KANK2: variants seen among roughly 807,000 people sequenced by gnomAD.
KANK2 encodes the protein KN motif and ankyrin repeat domain-containing protein 2.
KANK2 carries 41 observed loss-of-function variants against 74.6 expected under a neutral mutation model. The ratio of observed to expected loss-of-function variants is 0.55; its 90% CI spans 0.43 to 0.71. The LOEUF (loss-of-function observed/expected upper bound fraction) is 0.71, where lower values mean the gene tolerates loss of function less well. KANK2 is among the 30% of genes least tolerant of loss of function. The pLI is 0.00. For synonymous variants in KANK2, 537 were observed against 519.0 expected (o/e 1.03, Z -0.47); for missense variants, 1,148 against 1,196.4 (o/e 0.96, Z 0.60).
intron 7 of KANK2, 99 bp downstream of exon 7, chr19:11,176,479 T>C (rs1445747280): frequency 6.7e-6 from 9 of 1,348,314 alleles, no homozygotes; most frequent in East Asian, 2.4e-5. Flanking sequence ...TGTGCATGAC[T>C]GATAGGAGGG....
At chr19:11,192,784 C>G (rs1268580823) in intron 4 of KANK2, 47 bp downstream of exon 4, 106 of 214,158 alleles carry the variant, frequency 4.9e-4, no homozygotes, top group Non-Finnish European at 6.0e-4. Context: ...AAGAAAGAGG[C>G]CCCCCCCCCC....
intron 4 of KANK2, among the ~76,000 whole-genome samples, chr19:11,179,372 C>T (rs2147476488): frequency 6.7e-6 from 1 of 149,934 alleles, no homozygotes; most frequent in South Asian, 2.1e-4. Flanking sequence ...GGCACAGTGG[C>T]TCATGCCTGT....
intron 9 of KANK2, among the ~76,000 whole-genome samples, chr19:11,173,993 GC>G (rs1006334953): frequency 1.1e-4 from 16 of 148,928 alleles, no homozygotes; most frequent in East Asian, 2.0e-4. Flanking sequence ...GGAGGGTGGT[GC>G]CCCCCCCATC....
At chr19:11,180,612 C>T (rs533287456) in intron 4 of KANK2, among the ~76,000 whole-genome samples, 27 of 152,230 alleles carry the variant, frequency 1.8e-4, no homozygotes, top group Admixed American at 3.9e-4. Flanking sequence ...CATGCCAGAG[C>T]CAAGGCTTGA....
chr19:11,189,106 C>CA (rs1555819503), intron 4 of KANK2, among the ~76,000 whole-genome samples: 1,804 of 140,164 alleles, frequency 0.013, 65 homozygotes, highest in Non-Finnish European at 0.018. Context: ...TCTCCCCCCC[C>CA]ACCCCCGCCC....
At chr19:11,178,294 TGGA>T in intron 6 of KANK2, 48 bp downstream of exon 6, 2 of 1,103,162 alleles carry the variant, frequency 1.8e-6, no homozygotes, top group South Asian at 1.9e-5. Flanking sequence ...CGTGGATGAA[TGGA>T]GGAGGGGCGG....
Position 11,193,466 on chromosome 19 carries a change from T to G in KANK2, c.614A>C (p.Gln205Pro). Residue 205 changes from glutamine (Q) to proline (P), a missense_variant, in exon 4 of 13, where the codon CAG becomes CCG. Gln to Pro is a moderately conservative substitution (Grantham distance 76). Transcript: ENST00000586659. The surrounding 1 kb of genome is among the most constrained non-coding windows in gnomAD (Gnocchi z 9.6). ...CTGGAGCACAGGGATCAGCTTCACC[T>G]GCTCCTCCAGCTGCCGCAGCTTCCG... ...ALRKLRQLEE[Q>P]VKLIPVLQVK... 1.2e-6 allele frequency: 2 copies of G among 1,611,828 alleles called. No individual in the cohort carries two copies. Among genetic ancestry groups the G allele is most frequent in the Non-Finnish European group, 8.5e-7 (1 of 1,179,922 alleles).
chr19:11,190,273 G>A lies in KANK2; in HGVS notation c.1249+2558C>T, dbSNP rs561707728. 1.1e-4 allele frequency among the ~76,000 whole-genome samples: 16 copies of A among 152,152 alleles called. No homozygotes were observed. The South Asian group carries it at 2.9e-3, about 28-fold the overall frequency. ...CCTTAGCCTAGCTAGGACTACAGGC[G>A]TGTGCCAACACGCCCAGCTAATTTT... On this transcript the variant is annotated intron_variant, in intron 4 of 12. Transcript: ENST00000586659.
rs1450816185 is a variant in KANK2 at position 11,194,751 on chromosome 19, G to T, written c.-79-161C>A. 70 of 368,224 alleles carry T rather than the reference G, an allele frequency of 1.9e-4. 2 individuals carry two copies. Among genetic ancestry groups the T allele is most frequent in the Admixed American group, 1.0e-4 (2 of 19,996 alleles). The allele number at this position is 368,224 out of a possible 1,614,324, so 22.8% of individuals were successfully genotyped here. On this transcript the variant is annotated intron_variant, in intron 2 of 12. Transcript: ENST00000586659. ...GCCTGGCTGCGGAAGGGCCCCCCCC[G>T]ACCCCCTCCCCCCCGCAGGTCTGGA...
At chr19:11,189,881 C>T (rs973970299) in intron 4 of KANK2, among the ~76,000 whole-genome samples, 1 of 152,272 alleles carries the variant, frequency 6.6e-6, no homozygotes, top group African/African-American at 2.4e-5. Flanking sequence ...CCAGGCGGAG[C>T]CTCTGGCAGG....
At position 11,193,286 on chromosome 19, in the gene KANK2, C is replaced by T. The variant is rs201517586; in HGVS notation, c.794G>A (p.Arg265Gln). Residue 265 changes from arginine (R) to glutamine (Q), a missense_variant, in exon 4 of 13, where the codon CGG becomes CAG. Transcript: ENST00000586659. The surrounding 1 kb of genome is among the most constrained non-coding windows in gnomAD (Gnocchi z 9.6). ...TTCTCGAACCCAGGTGCCCACACTC[C>T]GGGTCTCCAGTGCCACTGGGTCCTC... ...PPEDPVALET[R>Q]SVGTWVRERD... The T allele has an allele frequency of 1.1e-5, 17 of 1,611,656 alleles. No homozygotes were observed. The highest frequency in any genetic ancestry group is 8.0e-5 in the African/African-American group (6 of 75,042).
In KANK2 at chr19:11,173,000, A is replaced by G; in HGVS notation, c.2192T>C (p.Ile731Thr). ...CCATACCTGGCTGGCTTTGGCATTG[A>G]TGTTGCCAAGCCGGAAGAGCTGAAG... Reference protein sequence around the residue: ...TVLQLFRLGNINAKASQAGQT... With the variant: ...TVLQLFRLGNTNAKASQAGQT... The change falls in exon 10 of 13, where the codon ATC (isoleucine) becomes ACC (threonine). Residue 731 changes from isoleucine to threonine, a missense_variant. Transcript: ENST00000586659. 6.2e-7 allele frequency: 1 copy of G among 1,613,720 alleles called. No individual in the cohort carries two copies. The highest frequency in any genetic ancestry group is 8.5e-7 in the Non-Finnish European group (1 of 1,179,830).
chr19:11,167,117 G>A (rs1313774787), intron 12 of KANK2, among the ~76,000 whole-genome samples: 1 of 152,132 alleles, frequency 6.6e-6, no homozygotes, highest in Non-Finnish European at 1.5e-5. Flanking sequence ...CTAGGCTGGA[G>A]TGCAATGGCA....
chr19:11,178,446 G>A lies in KANK2; in HGVS notation c.1419C>T (p.Gly473=), dbSNP rs752323327. ...TAGATCGCACGCCTGCCGGGGGCCC[G>A]CCTGGAGGGGAGGACAGCGGAGGTG... ...SQESEEAGGT[G]GPPAGVRSIM... Residue 473 remains glycine (G), a splice_region_variant and synonymous_variant, in exon 6 of 13, where the codon GGC becomes GGT. Coordinates refer to ENST00000586659, the MANE Select transcript of KANK2 (RefSeq NM_001136191.3). 34 of 1,598,548 alleles carry A rather than the reference G, an allele frequency of 2.1e-5. No individual in the cohort carries two copies. The highest frequency in any genetic ancestry group is 6.7e-5 in the South Asian group (6 of 88,954).
chr19:11,187,322 GGA>G (rs1323948713), intron 4 of KANK2, among the ~76,000 whole-genome samples: 5 of 151,658 alleles, frequency 3.3e-5, no homozygotes, highest in Non-Finnish European at 1.5e-5. Context: ...ACCTCAGTGT[GGA>G]GAGTTCAAAA....
intron 4 of KANK2, among the ~76,000 whole-genome samples, chr19:11,186,007 G>C (rs1023145589): frequency 6.6e-6 from 1 of 150,764 alleles, no homozygotes; most frequent in Non-Finnish European, 1.5e-5. Flanking sequence ...CTCCAGCCTG[G>C]GTGACACAAT....
intron 4 of KANK2, among the ~76,000 whole-genome samples, chr19:11,179,203 C>T (rs1186672400): frequency 6.6e-6 from 1 of 151,676 alleles, no homozygotes; most frequent in East Asian, 1.9e-4. Flanking sequence ...GTCGTTCCAG[C>T]CACTCAGGAT....
chr19:11,177,060 C>T (rs2078363311), intron 6 of KANK2, among the ~76,000 whole-genome samples: 2 of 150,012 alleles, frequency 1.3e-5, no homozygotes, highest in Non-Finnish European at 3.0e-5. Flanking sequence ...TTTTCACCTC[C>T]TGCCTTTTGA....
At chr19:11,189,862 G>A (rs1214982120) in intron 4 of KANK2, among the ~76,000 whole-genome samples, 12 of 152,122 alleles carry the variant, frequency 7.9e-5, no homozygotes, top group Admixed American at 7.9e-4. Flanking sequence ...CAGAGATTCC[G>A]AGGCTGGGCC....
Sources: allele counts gnomAD v4.1 joint callset (sites outside exome capture counted in the v4.1 genomes callset), GRCh38; gene constraint gnomAD v4.1.1; non-coding constraint Gnocchi (gnomAD v3.1); transcripts MANE v1.5; gene names NCBI Gene and HGNC (gene_info 2026-07-23, HGNC 2026-07-21).